The following GBE1 variants were observed in gnomAD, a reference collection of about 807,000 sequenced individuals.
The protein encoded by GBE1 is 1,4-alpha-glucan-branching enzyme.
In GBE1, 70 loss-of-function variants were observed where a neutral mutation model predicts 88.8. The observed-to-expected ratio is 0.79, with a 90% CI of 0.65 to 0.96. GBE1 has a LOEUF of 0.96. GBE1 is among the 40% of genes least tolerant of loss of function. GBE1 has a pLI of 0.00. For synonymous variants in GBE1, 284 were observed against 300.1 expected (o/e 0.95, Z 0.56); for missense variants, 872 against 871.0 (o/e 1.00, Z -0.01).
At chr3:81,568,949 G>A (rs949767669) in intron 12 of GBE1, among the ~76,000 whole-genome samples, 27 of 151,934 alleles carry the variant, frequency 1.8e-4, no homozygotes, top group African/African-American at 6.0e-4. Flanking sequence ...AGAAACTATT[G>A]ACTATTAAAA....
intron 7 of GBE1, among the ~76,000 whole-genome samples, chr3:81,618,860 C>T (rs1168288977): frequency 6.6e-6 from 1 of 152,064 alleles, no homozygotes; most frequent in Non-Finnish European, 1.5e-5. Context: ...GTGATATTTG[C>T]TCTTCATAAA....
chr3:81,682,925 T>A (rs1576198241), intron 2 of GBE1, among the ~76,000 whole-genome samples: 1 of 152,200 alleles, frequency 6.6e-6, no homozygotes. Flanking sequence ...TTAATAGGAA[T>A]GAAGTACTAA....
intron 12 of GBE1, among the ~76,000 whole-genome samples, chr3:81,543,358 C>T (rs1328164093): frequency 2.0e-5 from 3 of 151,900 alleles, no homozygotes; most frequent in Non-Finnish European, 4.4e-5. Flanking sequence ...CTGTTGTAAA[C>T]GAGCTGACAA....
At chr3:81,634,413 C>G (rs1016199132) in intron 7 of GBE1, among the ~76,000 whole-genome samples, 6 of 152,286 alleles carry the variant, frequency 3.9e-5, no homozygotes, top group Non-Finnish European at 8.8e-5. Flanking sequence ...TGTATTAAAT[C>G]AATTAATCTT....
intron 14 of GBE1, among the ~76,000 whole-genome samples, chr3:81,518,678 T>C (rs1183923244): frequency 6.6e-6 from 1 of 151,368 alleles, no homozygotes; most frequent in Non-Finnish European, 1.5e-5. Context: ...TGTTTAAAAG[T>C]ATTAGTCATT....
At chr3:81,542,126 T>G (rs1703151560) in intron 12 of GBE1, among the ~76,000 whole-genome samples, 1 of 152,086 alleles carries the variant, frequency 6.6e-6, no homozygotes. Context: ...ACCAACTACC[T>G]ACAACTTGTT....
chr3:81,704,206 CT>C (rs1168136965), intron 2 of GBE1, among the ~76,000 whole-genome samples: 1 of 151,494 alleles, frequency 6.6e-6, no homozygotes, highest in Non-Finnish European at 1.5e-5. Flanking sequence ...CTCCTTTCAC[CT>C]TTTTAATATT....
At chr3:81,531,668 T>C (rs578091531) in intron 14 of GBE1, among the ~76,000 whole-genome samples, 22 of 151,946 alleles carry the variant, frequency 1.4e-4, no homozygotes, top group Non-Finnish European at 2.5e-4. Flanking sequence ...CTGCTTGGTG[T>C]TTTATTTTAC....
At chr3:81,549,303 C>G (rs138799340) in intron 12 of GBE1, among the ~76,000 whole-genome samples, 1 of 151,414 alleles carries the variant, frequency 6.6e-6, no homozygotes, top group Admixed American at 6.6e-5. Context: ...GCTGGGATTA[C>G]AGGAGTGAGC....
chr3:81,554,484 A>G (rs1355199016), intron 12 of GBE1, among the ~76,000 whole-genome samples: 1 of 152,220 alleles, frequency 6.6e-6, no homozygotes, highest in Non-Finnish European at 1.5e-5. Flanking sequence ...TAGTGAAGAC[A>G]GACTGTGCTA....
intron 8 of GBE1, among the ~76,000 whole-genome samples, chr3:81,593,200 T>C (rs1703904628): frequency 6.6e-6 from 1 of 151,496 alleles, no homozygotes; most frequent in Admixed American, 6.6e-5. Flanking sequence ...CCGTCTCTAT[T>C]AAAAAAATAC....
intron 7 of GBE1, among the ~76,000 whole-genome samples, chr3:81,618,982 A>T (rs1015625175): frequency 1.1e-4 from 13 of 115,396 alleles, no homozygotes; most frequent in African/African-American, 2.9e-4. Flanking sequence ...GATTCTTTTT[A>T]AAAAAATGAC....
At chr3:81,590,975 T>A (rs1424127522) in intron 9 of GBE1, 62 bp downstream of exon 9, 1 of 1,414,350 alleles carries the variant, frequency 7.1e-7, no homozygotes, top group East Asian at 2.4e-5. Flanking sequence ...TCAAATACTG[T>A]ATGCTGACAA....
In GBE1 at chr3:81,535,193, A is replaced by G. The variant is rs752625236; in HGVS notation, c.1934+2T>C. On this transcript the variant is annotated splice_donor_variant, in intron 14 of 15. Coordinates refer to ENST00000429644, the MANE Select transcript of GBE1 (RefSeq NM_000158.4). LOFTEE classifies it high-confidence loss of function. ...CATATTCACTGGTAACAAAAAGGATATTTCCCTGGCAATGCTGTTCCAACT... is the reference window on the plus strand; with the variant it reads ...CATATTCACTGGTAACAAAAAGGATGTTTCCCTGGCAATGCTGTTCCAACT... The G allele has an allele frequency of 9.3e-6, 15 of 1,608,438 alleles. No individual in the cohort carries two copies. Among genetic ancestry groups the G allele is most frequent in the African/African-American group, 1.3e-5 (1 of 74,336 alleles).
chr3:81,727,027 G>A (rs569744072), intron 1 of GBE1, among the ~76,000 whole-genome samples: 1 of 152,096 alleles, frequency 6.6e-6, no homozygotes, highest in Non-Finnish European at 1.5e-5. Context: ...AGGGTATGGG[G>A]TCCTGTTTCC....
At chr3:81,526,247 A>G (rs1482645789) in intron 14 of GBE1, among the ~76,000 whole-genome samples, 1 of 151,868 alleles carries the variant, frequency 6.6e-6, no homozygotes, top group African/African-American at 2.4e-5. Context: ...GTTTACGACA[A>G]ACCCACAGCC....
chr3:81,619,396 G>C (rs1297950128), intron 7 of GBE1, among the ~76,000 whole-genome samples: 1 of 151,956 alleles, frequency 6.6e-6, no homozygotes, highest in Non-Finnish European at 1.5e-5. Context: ...GTTGAAATTA[G>C]AATAAAAAGA....
chr3:81,680,064 C>T (rs1294229771), intron 2 of GBE1, among the ~76,000 whole-genome samples: 1 of 152,180 alleles, frequency 6.6e-6, no homozygotes, highest in Non-Finnish European at 1.5e-5. Flanking sequence ...TATAATCTAT[C>T]TTTGTAGACG....
At chr3:81,702,849 T>C (rs2107164896) in intron 2 of GBE1, among the ~76,000 whole-genome samples, 1 of 152,202 alleles carries the variant, frequency 6.6e-6, no homozygotes, top group Admixed American at 6.5e-5. Flanking sequence ...ACATAAAATT[T>C]TTAAATGCAA....
Sources: allele counts gnomAD v4.1 joint callset (sites outside exome capture counted in the v4.1 genomes callset), GRCh38; gene constraint gnomAD v4.1.1; transcripts MANE v1.5; gene names NCBI Gene and HGNC (gene_info 2026-07-23, HGNC 2026-07-21).